GRID2: variants seen among roughly 807,000 people sequenced by gnomAD.
GRID2 encodes glutamate receptor ionotropic, delta-2.
GRID2 carries 33 observed loss-of-function variants against 114.8 expected under a neutral mutation model. The ratio of observed to expected loss-of-function variants is 0.29; its 90% CI spans 0.22 to 0.38. GRID2 has a LOEUF of 0.38. Among genes scored for constraint, GRID2 ranks in the 10% least tolerant of loss-of-function variants. The probability of loss-of-function intolerance (pLI) is 1.00; values close to 1 mark genes in which losing one functional copy is unlikely to be tolerated. For missense variants in GRID2, 1,184 were observed against 1,257.7 expected (o/e 0.94, Z 0.89); for synonymous variants, 505 against 449.9 (o/e 1.12, Z -1.55).
intron 1 of GRID2, among the ~76,000 whole-genome samples, chr4:92,531,553 T>C (rs951900716): frequency 6.6e-6 from 1 of 152,050 alleles, no homozygotes; most frequent in Non-Finnish European, 1.5e-5. Context: ...GTCACTAAAA[T>C]GACCCATGTG....
chr4:93,026,488 A>G (rs1357525318), intron 2 of GRID2, among the ~76,000 whole-genome samples: 1 of 151,904 alleles, frequency 6.6e-6, no homozygotes, highest in East Asian at 1.9e-4. Flanking sequence ...ATTATTTTAC[A>G]ATGTGTGAAC....
chr4:93,514,515 G>T (rs745727215), intron 12 of GRID2, among the ~76,000 whole-genome samples: 1 of 151,278 alleles, frequency 6.6e-6, no homozygotes, highest in Non-Finnish European at 1.5e-5. Context: ...AGTGTCTTGC[G>T]TTGGAAATAC....
At chr4:93,104,382 G>A (rs1048925079) in intron 3 of GRID2, among the ~76,000 whole-genome samples, 14 of 151,970 alleles carry the variant, frequency 9.2e-5, no homozygotes, top group Non-Finnish European at 4.4e-5. Flanking sequence ...ATGTATACAC[G>A]TGCCATGCTG....
At chr4:92,594,757 C>A (rs182776339) in intron 2 of GRID2, among the ~76,000 whole-genome samples, 22 of 152,000 alleles carry the variant, frequency 1.4e-4, no homozygotes, top group African/African-American at 4.8e-4. Flanking sequence ...TTTTTATTTT[C>A]TCTTATAAAT....
chr4:93,316,207 G>A (rs1756567089), intron 8 of GRID2, among the ~76,000 whole-genome samples: 1 of 151,460 alleles, frequency 6.6e-6, no homozygotes, highest in Non-Finnish European at 1.5e-5. Flanking sequence ...TTTTACAGTT[G>A]TAGTAGGTCC....
chr4:93,591,824 A>G (rs1738361867), intron 13 of GRID2, among the ~76,000 whole-genome samples: 1 of 152,054 alleles, frequency 6.6e-6, no homozygotes, highest in Admixed American at 6.5e-5. Flanking sequence ...TTTCTTCTAG[A>G]TTTTTTAGTT....
At chr4:93,090,004 T>C (rs1578957813) in intron 3 of GRID2, among the ~76,000 whole-genome samples, 1 of 152,228 alleles carries the variant, frequency 6.6e-6, no homozygotes, top group Admixed American at 6.5e-5. Flanking sequence ...TAATAAGAAT[T>C]CCTGTTTTCA....
intron 14 of GRID2, among the ~76,000 whole-genome samples, chr4:93,758,580 T>A (rs1314162974): frequency 6.6e-6 from 1 of 152,194 alleles, no homozygotes; most frequent in Non-Finnish European, 1.5e-5. Flanking sequence ...AAAGTATCCT[T>A]CTTAATCTTC....
chr4:92,896,107 T>C (rs1170548380), intron 2 of GRID2, among the ~76,000 whole-genome samples: 1 of 152,216 alleles, frequency 6.6e-6, no homozygotes, highest in Admixed American at 6.5e-5. Flanking sequence ...CCTATGTAAG[T>C]ATAATTGTGC....
At chr4:93,677,133 AC>A (rs980042934) in intron 14 of GRID2, among the ~76,000 whole-genome samples, 1 of 152,124 alleles carries the variant, frequency 6.6e-6, no homozygotes, top group Non-Finnish European at 1.5e-5. Context: ...TATATCCCGC[AC>A]CTGGCTCGGA....
intron 1 of GRID2, among the ~76,000 whole-genome samples, chr4:92,511,479 A>G (rs180722787): frequency 1.8e-3 from 272 of 152,020 alleles, no homozygotes; most frequent in Admixed American, 5.3e-3. Flanking sequence ...TACACTTCTG[A>G]AAATGAAAGG....
At chr4:93,472,409 A>T (rs900959972) in intron 11 of GRID2, among the ~76,000 whole-genome samples, 2 of 152,156 alleles carry the variant, frequency 1.3e-5, no homozygotes, top group Non-Finnish European at 2.9e-5. Flanking sequence ...ATTAGACTTT[A>T]TCCATATACA....
At chr4:93,382,135 C>A (rs540618490) in intron 8 of GRID2, among the ~76,000 whole-genome samples, 7 of 152,024 alleles carry the variant, frequency 4.6e-5, no homozygotes, top group African/African-American at 1.4e-4. Context: ...ATCAAAAATC[C>A]CTTGTATGTG....
chr4:93,158,835 A>G (rs1236166723), intron 4 of GRID2, among the ~76,000 whole-genome samples: 1 of 151,778 alleles, frequency 6.6e-6, no homozygotes, highest in Non-Finnish European at 1.5e-5. Flanking sequence ...TTTGCCAAAC[A>G]ATAAATGACT....
chr4:93,666,340 C>T (rs1723945225), intron 14 of GRID2, among the ~76,000 whole-genome samples: 1 of 151,892 alleles, frequency 6.6e-6, no homozygotes, highest in African/African-American at 2.4e-5. Flanking sequence ...TAGAGGAACT[C>T]ACAAAATGAA....
At chr4:92,735,285 T>C (rs1736536400) in intron 2 of GRID2, among the ~76,000 whole-genome samples, 1 of 152,176 alleles carries the variant, frequency 6.6e-6, no homozygotes, top group Non-Finnish European at 1.5e-5. Context: ...GAATCCTACA[T>C]ACATTATATT....
At chr4:92,387,754 A>G (rs753324963) in intron 1 of GRID2, among the ~76,000 whole-genome samples, 7 of 152,048 alleles carry the variant, frequency 4.6e-5, no homozygotes, top group Non-Finnish European at 8.8e-5. Flanking sequence ...GACTTTCTCA[A>G]TGTAGAAGGG....
intron 2 of GRID2, among the ~76,000 whole-genome samples, chr4:92,947,155 A>G (rs1047991055): frequency 6.6e-6 from 1 of 152,030 alleles, no homozygotes; most frequent in African/African-American, 2.4e-5. Context: ...AATATCTCAC[A>G]GTCTTGGGTA....
intron 2 of GRID2, among the ~76,000 whole-genome samples, chr4:92,682,682 GCA>G (rs57217377): frequency 0.023 from 3,282 of 142,136 alleles, 51 homozygotes; most frequent in South Asian, 0.046. Context: ...AAATCGCAGG[GCA>G]CACACACACA....
Sources: gnomAD v4.1 joint callset for allele counts (sites outside exome capture counted in the v4.1 genomes callset) on GRCh38, gnomAD v4.1.1 for gene constraint, MANE v1.5 for transcripts, NCBI Gene and HGNC (gene_info 2026-07-23, HGNC 2026-07-21) for gene names.